Variants in RBM33 observed in about 807,000 individuals in gnomAD.
The protein encoded by RBM33 is RNA-binding protein 33.
In RBM33, 28 loss-of-function variants were observed where a neutral mutation model predicts 132.6. The observed-to-expected ratio is 0.21, with a 90% confidence interval of 0.16 to 0.29. The LOEUF is 0.29. Ranked by LOEUF, RBM33 falls within the 10% of genes least tolerant of loss-of-function variation. The pLI, the probability that RBM33 is intolerant of heterozygous loss-of-function variation, is 1.00. For missense variants in RBM33, 1,291 were observed against 1,518.5 expected (o/e 0.85, Z 2.49); for synonymous variants, 634 against 593.0 (o/e 1.07, Z -1.01).
chr7:155,673,402 T>TTGTGGGTGTG (rs1491358812), intron 3 of RBM33, among the ~76,000 whole-genome samples: 1 of 45,176 alleles, frequency 2.2e-5, no homozygotes, highest in African/African-American at 1.5e-4. Flanking sequence ...TTTATATATA[T>TTGTGGGTGTG]TGTGTGTGTG....
chr7:155,762,963 A>G (rs190640130), intron 14 of RBM33, among the ~76,000 whole-genome samples: 39 of 152,326 alleles, frequency 2.6e-4, no homozygotes, highest in African/African-American at 9.1e-4. Flanking sequence ...CTTTGGGAAA[A>G]AGACTACTCA....
intron 9 of RBM33, among the ~76,000 whole-genome samples, chr7:155,732,149 T>C (rs1433965436): frequency 6.6e-6 from 1 of 151,966 alleles, no homozygotes; most frequent in African/African-American, 2.4e-5. Context: ...TGGAAAGGGG[T>C]GAAGGGGAAA....
rs149249866 is a variant in RBM33, at chr7:155,720,581, A to C, written c.1260+2138A>C. 5.4e-3 allele frequency among the ~76,000 whole-genome samples: 815 copies of C among 152,310 alleles called. 8 individuals are homozygous for C. The highest frequency in any genetic ancestry group is 0.018 in the African/African-American group (745 of 41,564). On this transcript the variant is annotated intron_variant, in intron 9 of 17. Transcript: ENST00000401878. ...GTAATTTTGTGAACATTTAATGAGG[A>C]TCTACTTTATGTCAAGTGCTCTGCA...
chr7:155,721,481 A>G lies in RBM33; in HGVS notation c.1260+3038A>G, dbSNP rs543264473. Among the ~76,000 whole-genome samples the G allele has an allele frequency of 5.3e-5, 8 of 152,274 alleles. 1 individual carries two copies. The highest frequency in any genetic ancestry group is 6.8e-3 in the Middle Eastern group (2 of 294). ...AATTTGTATAGTAGAATTATATCAC[A>G]TGCATTTAACTATACAAGAATGCAG... On this transcript the variant is annotated intron_variant, in intron 9 of 17. Transcript: ENST00000401878.
intron 16 of RBM33, among the ~76,000 whole-genome samples, chr7:155,773,601 CAG>C (rs969313155): frequency 8.3e-5 from 11 of 132,774 alleles, no homozygotes; most frequent in South Asian, 2.4e-4. Context: ...AAAAAGGAGT[CAG>C]GGGCTCCTGT....
At chr7:155,652,846 C>T (rs1798393930) in intron 1 of RBM33, among the ~76,000 whole-genome samples, 1 of 152,030 alleles carries the variant, frequency 6.6e-6, no homozygotes, top group African/African-American at 2.4e-5. Flanking sequence ...AATATGACTG[C>T]TATGAACTGG....
intron 3 of RBM33, among the ~76,000 whole-genome samples, chr7:155,673,402 T>TTGTG (rs200441063): frequency 8.4e-4 from 38 of 45,176 alleles, no homozygotes; most frequent in East Asian, 3.5e-3. Flanking sequence ...TTTATATATA[T>TTGTG]TGTGTGTGTG....
At chr7:155,673,940 G>GTTGTTTTTTGTTT in intron 3 of RBM33, among the ~76,000 whole-genome samples, 15 of 54,214 alleles carry the variant, frequency 2.8e-4, no homozygotes, top group African/African-American at 1.1e-3. Flanking sequence ...TTTAGGCTTA[G>GTTGTTTTTTGTTT]TTTTTTTTTT....
intron 12 of RBM33, 80 bp downstream of exon 12, chr7:155,740,106 G>A (rs1801281834): frequency 3.5e-6 from 5 of 1,429,570 alleles, no homozygotes; most frequent in Non-Finnish European, 3.7e-6. Flanking sequence ...TAATATGTAG[G>A]TTAGAATATT....
At chr7:155,729,766 G>A (rs910394473) in intron 9 of RBM33, among the ~76,000 whole-genome samples, 1 of 150,362 alleles carries the variant, frequency 6.7e-6, no homozygotes, top group African/African-American at 2.4e-5. Flanking sequence ...AAAAAATTCT[G>A]TCATACATGT....
chr7:155,754,759 T>C (rs1801793758), intron 14 of RBM33, among the ~76,000 whole-genome samples: 1 of 152,254 alleles, frequency 6.6e-6, no homozygotes, highest in African/African-American at 2.4e-5. Flanking sequence ...CACCATACCG[T>C]ACTAGAAAGT....
chr7:155,669,839 G>A (rs1403028972), intron 2 of RBM33, among the ~76,000 whole-genome samples: 1 of 152,184 alleles, frequency 6.6e-6, no homozygotes, highest in African/African-American at 2.4e-5. Flanking sequence ...AGGTGAGAGG[G>A]GAGGGGCCGG....
intron 9 of RBM33, among the ~76,000 whole-genome samples, chr7:155,727,640 C>G (rs981400449): frequency 1.3e-5 from 2 of 152,192 alleles, no homozygotes. Context: ...AAAGCTTAAA[C>G]GTTAAAAAAA....
intron 7 of RBM33, 124 bp downstream of exon 7, chr7:155,707,192 A>G (rs767379543): frequency 5.7e-6 from 5 of 877,060 alleles, no homozygotes; most frequent in Middle Eastern, 2.1e-4. Context: ...AGCAGGGGTA[A>G]TGGCTGAAGT....
Position 155,779,562 on chromosome 7 carries a change from T to A in RBM33, c.*4521T>A, listed in dbSNP as rs1267309904. 1 of 152,252 alleles carries A rather than the reference T, an allele frequency of 6.6e-6. No homozygotes were observed. Among genetic ancestry groups the A allele is most frequent in the African/African-American group, 2.4e-5 (1 of 41,462 alleles). The allele number at this position is 152,252 out of a possible 1,614,324, so 9.4% of individuals were successfully genotyped here. ...AATCCTAAGGATTTTATGTAAGGTT[T>A]TTTTGCAACCTATTTAATTTTTTTT... is the stretch of plus-strand genomic sequence containing the variant. On this transcript the variant is annotated 3_prime_UTR_variant, in exon 18 of 18. Transcript: ENST00000401878.
At chr7:155,683,236 G>T (rs1418906896) in intron 5 of RBM33, among the ~76,000 whole-genome samples, 2 of 152,310 alleles carry the variant, frequency 1.3e-5, no homozygotes, top group African/African-American at 2.4e-5. Context: ...GATACGCAGA[G>T]AATTAAATTG....
chr7:155,779,712 T>G lies in RBM33; in HGVS notation c.*4671T>G, dbSNP rs1408645733. 1 of 152,206 alleles carries G rather than the reference T, an allele frequency of 6.6e-6. No individual in the cohort carries two copies. Among genetic ancestry groups the G allele is most frequent in the Admixed American group, 6.5e-5 (1 of 15,282 alleles). The allele number at this position is 152,206 out of a possible 1,614,324, so 9.4% of individuals were successfully genotyped here. A position where few individuals can be genotyped will look rare whatever the true frequency, so the allele number is the denominator to read the frequency against. On this transcript the variant is annotated 3_prime_UTR_variant, in exon 18 of 18. Coordinates refer to ENST00000401878, the MANE Select transcript of RBM33 (RefSeq NM_053043.3). Reference sequence around the variant, plus strand: ...GGTAGCATATGGCTGGAAAAGGCCGTTTGCCTCACACATTGTAACCTGCCT... The same window carrying G: ...GGTAGCATATGGCTGGAAAAGGCCGGTTGCCTCACACATTGTAACCTGCCT...
chr7:155,702,913 A>G lies in RBM33; in HGVS notation c.739+1969A>G, dbSNP rs368883792. On this transcript the variant is annotated intron_variant, in intron 6 of 17. Coordinates refer to ENST00000401878, the MANE Select transcript of RBM33 (RefSeq NM_053043.3). ...CTAAGACTATTAATTCACTTGCTAG[A>G]CAACATTACAAATGGGGGCTTTCCC... 2.2e-5 allele frequency among the ~76,000 whole-genome samples: 3 copies of G among 138,802 alleles called. No individual in the cohort carries two copies. In the East Asian group the frequency reaches 6.2e-4, roughly 29 times the overall value. 91.1% of individuals were successfully genotyped at this position (138,802 alleles called of 152,430 possible).
intron 1 of RBM33, among the ~76,000 whole-genome samples, chr7:155,647,920 G>T (rs1798246796): frequency 6.6e-6 from 1 of 152,162 alleles, no homozygotes; most frequent in Non-Finnish European, 1.5e-5. Context: ...TAGTTCCAGT[G>T]CTTCCTTGTA....
Sources: allele counts gnomAD v4.1 joint callset (sites outside exome capture counted in the v4.1 genomes callset), GRCh38; gene constraint gnomAD v4.1.1; transcripts MANE v1.5; gene names NCBI Gene and HGNC (gene_info 2026-07-23, HGNC 2026-07-21).